BCAR3: variants seen among roughly 807,000 people sequenced by gnomAD.
BCAR3 encodes the protein BCAR3 adaptor protein, NSP family member.
BCAR3 carries 37 observed loss-of-function variants against 80.1 expected under a neutral mutation model. The observed-to-expected ratio is 0.46, with a 90% CI of 0.36 to 0.61. The LOEUF (loss-of-function observed/expected upper bound fraction) is 0.61. Among genes scored for constraint, BCAR3 ranks in the 20% least tolerant of loss-of-function variants. The pLI, the probability that BCAR3 is intolerant of heterozygous loss-of-function variation, is 0.00. For missense variants in BCAR3, 978 were observed against 1,068.2 expected (o/e 0.92, Z 1.18); for synonymous variants, 389 against 418.9 (o/e 0.93, Z 0.87).
At chr1:93,796,521 C>T (rs989592068) in intron 2 of BCAR3, among the ~76,000 whole-genome samples, 7 of 150,508 alleles carry the variant, frequency 4.7e-5, no homozygotes, top group East Asian at 2.0e-4. Flanking sequence ...GGCTCGCGCA[C>T]GGTGCGCGCA....
At chr1:93,721,046 G>A (rs977044525) in intron 2 of BCAR3, among the ~76,000 whole-genome samples, 8 of 152,198 alleles carry the variant, frequency 5.3e-5, no homozygotes, top group African/African-American at 1.9e-4. Context: ...GAGCACCGCT[G>A]GAATAGTGGC....
chr1:93,567,597 A>G, intron 10 of BCAR3, 106 bp from the exon 11 acceptor site: 1 of 1,428,310 alleles, frequency 7.0e-7, no homozygotes, highest in Non-Finnish European at 9.6e-7. Context: ...GCAGCCTTCT[A>G]CAAGCAACGC....
chr1:93,756,891 T>G lies in BCAR3; in HGVS notation c.-62-50749A>C, dbSNP rs1651766041. 2.0e-5 allele frequency among the ~76,000 whole-genome samples: 3 copies of G among 152,252 alleles called. No individual in the cohort carries two copies. The South Asian group carries it at 6.2e-4, about 32-fold the overall frequency. On this transcript the variant is annotated intron_variant, in intron 2 of 13. Coordinates refer to the BCAR3 transcript ENST00000370244. ...TGTGCCAAGTGCTATGTAATGGTTA[T>G]CCCCAAATGTGGGGGTGCCTGGCCT... is the stretch of plus-strand genomic sequence containing the variant.
chr1:93,764,554 A>G (rs1652075153), intron 2 of BCAR3, among the ~76,000 whole-genome samples: 1 of 151,988 alleles, frequency 6.6e-6, no homozygotes, highest in African/African-American at 2.4e-5. Flanking sequence ...TGCTGCGGCT[A>G]TCACCACTCT....
chr1:93,567,979 G>A, intron 9 of BCAR3, 128 bp from the exon 10 acceptor site: 1 of 678,842 alleles, frequency 1.5e-6, no homozygotes, highest in Non-Finnish European at 2.6e-6. Context: ...TTGAGGTCAG[G>A]AGTTCAAGAC....
intron 7 of BCAR3, among the ~76,000 whole-genome samples, chr1:93,579,020 C>G (rs550408061): frequency 5.3e-4 from 81 of 152,330 alleles, no homozygotes; most frequent in African/African-American, 1.9e-3. Context: ...CTGGTCCTCA[C>G]TTCTAGCTAT....
At position 93,592,187 on chromosome 1, in the gene BCAR3, G is replaced by A; in HGVS notation, c.486+78C>T. ...GTGCTTCCGCCCATGTGGCCTCGGA[G>A]TGGGACCCTGCGGGTCATCAATCTG... On this transcript the variant is annotated intron_variant, in intron 4 of 11. Transcript: ENST00000260502. This position sits in a 1 kb window ranked among gnomAD's most constrained non-coding sequence, Gnocchi z 4.8. 1 of 1,588,740 alleles carries A rather than the reference G, an allele frequency of 6.3e-7. No homozygotes were observed. The highest frequency in any genetic ancestry group is 8.6e-7 in the Non-Finnish European group (1 of 1,169,010).
At chr1:93,814,473 C>A (rs186834300) in intron 2 of BCAR3, among the ~76,000 whole-genome samples, 1 of 152,190 alleles carries the variant, frequency 6.6e-6, no homozygotes, top group African/African-American at 2.4e-5. Flanking sequence ...GACTTCTAGG[C>A]GGGCAGGGCC....
intron 2 of BCAR3, among the ~76,000 whole-genome samples, chr1:93,812,833 C>A (rs558277315): frequency 6.6e-6 from 1 of 152,210 alleles, no homozygotes; most frequent in African/African-American, 2.4e-5. Flanking sequence ...TTCTCTACCC[C>A]CCTATCCCAG....
chr1:93,631,097 G>C (rs1675605860), intron 3 of BCAR3, among the ~76,000 whole-genome samples: 1 of 152,312 alleles, frequency 6.6e-6, no homozygotes, highest in Admixed American at 6.5e-5. Flanking sequence ...TGGCTCCAAA[G>C]GTTGCAGGGA....
At chr1:93,806,838 C>A (rs965515848) in intron 2 of BCAR3, among the ~76,000 whole-genome samples, 6 of 152,108 alleles carry the variant, frequency 3.9e-5, no homozygotes, top group Non-Finnish European at 7.4e-5. Context: ...TAGTAGAAGG[C>A]TGGGCATGGC....
At chr1:93,609,335 G>A (rs188505945) in intron 3 of BCAR3, among the ~76,000 whole-genome samples, 2 of 152,172 alleles carry the variant, frequency 1.3e-5, no homozygotes. Flanking sequence ...CAAGACCATG[G>A]CCACTAGACT....
intron 3 of BCAR3, among the ~76,000 whole-genome samples, chr1:93,699,715 G>A (rs1571057143): frequency 6.6e-6 from 1 of 152,190 alleles, no homozygotes; most frequent in African/African-American, 2.4e-5. Context: ...TCATGTGGGA[G>A]TGGAGAGGGG....
intron 3 of BCAR3, among the ~76,000 whole-genome samples, chr1:93,697,073 C>T (rs947321601): frequency 6.6e-6 from 1 of 152,228 alleles, no homozygotes; most frequent in Non-Finnish European, 1.5e-5. Flanking sequence ...GCAGCAGGAC[C>T]ACCCAGGTAC....
intron 6 of BCAR3, among the ~76,000 whole-genome samples, 155 bp from the exon 7 acceptor site, chr1:93,583,108 C>T (rs1461721789): frequency 3.9e-5 from 6 of 152,174 alleles, no homozygotes; most frequent in Admixed American, 6.5e-5. Context: ...GACTGTCCCA[C>T]GCCCAATCTC....
chr1:93,721,022 G>A (rs1011763897), intron 2 of BCAR3, among the ~76,000 whole-genome samples: 1 of 152,222 alleles, frequency 6.6e-6, no homozygotes, highest in Non-Finnish European at 1.5e-5. Flanking sequence ...TGGCTGAGGC[G>A]AGGCTGACCC....
At chr1:93,598,450 A>T (rs1674512408) in intron 3 of BCAR3, among the ~76,000 whole-genome samples, 1 of 151,998 alleles carries the variant, frequency 6.6e-6, no homozygotes, top group African/African-American at 2.4e-5. Context: ...GGCAGGAAAG[A>T]CTCTATCCCC....
At chr1:93,599,028 C>T (rs1004664642) in intron 3 of BCAR3, 1 of 152,178 alleles carries the variant, frequency 6.6e-6, no homozygotes, top group African/African-American at 2.4e-5. Flanking sequence ...GCAACCCCGC[C>T]ACTCCCCAGG....
intron 3 of BCAR3, among the ~76,000 whole-genome samples, chr1:93,616,411 A>G (rs1675129268): frequency 1.3e-5 from 2 of 152,186 alleles, no homozygotes; most frequent in East Asian, 3.8e-4. Context: ...AGTGCCCTTC[A>G]CTGACTTGTT....
Sources: allele counts gnomAD v4.1 joint callset (sites outside exome capture counted in the v4.1 genomes callset), GRCh38; gene constraint gnomAD v4.1.1; non-coding constraint Gnocchi (gnomAD v3.1); transcripts MANE v1.5; gene names NCBI Gene and HGNC (gene_info 2026-07-23, HGNC 2026-07-21).